NIPBL: variants seen among roughly 807,000 people sequenced by gnomAD.
The protein encoded by NIPBL is nipped-B-like protein.
NIPBL carries 19 observed loss-of-function variants against 321.8 expected under a neutral mutation model. The observed-to-expected ratio is 0.06, with a 90% CI of 0.04 to 0.09. NIPBL has a LOEUF of 0.09. Ranked by LOEUF, NIPBL falls within the 10% of genes least tolerant of loss-of-function variation. The probability of loss-of-function intolerance (pLI) is 1.00; values close to 1 mark genes in which losing one functional copy is unlikely to be tolerated. For missense variants in NIPBL, 2,210 were observed against 3,327.0 expected (o/e 0.66, Z 8.26); for synonymous variants, 1,106 against 1,114.1 (o/e 0.99, Z 0.14).
intron 1 of NIPBL, chr5:36,885,737 G>C (rs1745848568): frequency 8.4e-6 from 5 of 598,700 alleles, no homozygotes; most frequent in African/African-American, 1.8e-5. Flanking sequence ...CCAGTCTGTA[G>C]AGAACGACAT....
chr5:36,907,772 A>T (rs529279876), intron 1 of NIPBL, among the ~76,000 whole-genome samples: 1 of 152,194 alleles, frequency 6.6e-6, no homozygotes, highest in South Asian at 2.1e-4. Flanking sequence ...AATGCCACTG[A>T]GGAAAAGGTC....
chr5:37,051,583 G>C (rs549241255), intron 40 of NIPBL, 196 bp from the exon 41 acceptor site: 24 of 591,090 alleles, frequency 4.1e-5, no homozygotes, highest in Admixed American at 3.8e-4. Context: ...ATTTTTGCTG[G>C]TGCTCCAGTG....
intron 1 of NIPBL, among the ~76,000 whole-genome samples, chr5:36,931,952 A>G (rs914212995): frequency 1.3e-5 from 2 of 151,818 alleles, no homozygotes; most frequent in East Asian, 3.9e-4. Flanking sequence ...TTCCTATAAA[A>G]CTGCTTTAGC....
rs767626703 is a variant in NIPBL at position 36,955,557 on chromosome 5, G to A, written c.150G>A (p.Val50=). ...LLFNARIAEE[V]NCLLACRDDN... ...TTAATGCACGAATAGCAGAAGAGGT[G>A]AACTGCCTTTTGGCTTGTAGGGATG... Residue 50 remains valine (V), a synonymous_variant, in exon 3 of 47, where the codon GTG becomes GTA. Coordinates refer to ENST00000282516, the MANE Select transcript of NIPBL (RefSeq NM_133433.4). The A allele has an allele frequency of 6.2e-7, 1 of 1,613,980 alleles. No homozygotes were observed. Among genetic ancestry groups the A allele is most frequent in the South Asian group, 1.1e-5 (1 of 91,068 alleles).
intron 6 of NIPBL, among the ~76,000 whole-genome samples, chr5:36,967,098 A>G (rs948915860): frequency 1.3e-5 from 2 of 152,078 alleles, no homozygotes; most frequent in Admixed American, 1.3e-4. Context: ...TCTCATACAG[A>G]TCGATAAGAA....
intron 32 of NIPBL, among the ~76,000 whole-genome samples, chr5:37,033,843 C>T (rs1364723419): frequency 6.8e-6 from 1 of 147,606 alleles, no homozygotes; most frequent in Non-Finnish European, 1.5e-5. Flanking sequence ...GCTGGGACTA[C>T]AAGCATGCAC....
intron 43 of NIPBL, among the ~76,000 whole-genome samples, chr5:37,058,219 A>C (rs190471791): frequency 3.2e-4 from 48 of 152,332 alleles, no homozygotes; most frequent in African/African-American, 1.0e-3. Flanking sequence ...GTTAATGTGC[A>C]CATTTAAGTT....
At chr5:36,901,589 A>G (rs2149534821) in intron 1 of NIPBL, among the ~76,000 whole-genome samples, 1 of 141,184 alleles carries the variant, frequency 7.1e-6, no homozygotes, top group Non-Finnish European at 1.5e-5. Flanking sequence ...GGCTCACTGC[A>G]ACCTCTACCT....
chr5:37,019,252 G>T (rs300060), intron 24 of NIPBL, 59 bp from the exon 25 acceptor site: 1 of 1,056,410 alleles, frequency 9.5e-7, no homozygotes, highest in Non-Finnish European at 1.5e-6. Context: ...TTACAATTAG[G>T]TGATTTATTA....
chr5:36,894,060 T>C (rs1746544755), intron 1 of NIPBL, among the ~76,000 whole-genome samples: 1 of 152,220 alleles, frequency 6.6e-6, no homozygotes, highest in Non-Finnish European at 1.5e-5. Flanking sequence ...ACCATGCCTA[T>C]GTGTTCACAC....
chr5:37,058,843 C>CT (rs747181578), intron 43 of NIPBL, 48 bp from the exon 44 acceptor site: 1 of 1,554,884 alleles, frequency 6.4e-7, no homozygotes, highest in Non-Finnish European at 8.9e-7. Context: ...CTTATATTTA[C>CT]TAGTGGCATT....
chr5:37,048,529 T>C lies in NIPBL; in HGVS notation c.6617T>C (p.Leu2206Pro). 6.3e-7 allele frequency: 1 copy of C among 1,584,836 alleles called. No homozygotes were observed. The highest frequency in any genetic ancestry group is 1.7e-5 in the Admixed American group (1 of 58,228). ...TTTGCCTTTATTCAGCATCCAAGTC[T>C]AATGTTCGAGCAAGAAGTGAAGAAT... ...LGFAFIQHPSLMFEQEVKNLY... is the reference protein window; with the variant it reads ...LGFAFIQHPSPMFEQEVKNLY... The change falls in exon 39 of 47, where the codon CTA becomes CCA. Residue 2206 changes from leucine (L) to proline (P), a missense_variant. By Grantham distance (98) the Leu-to-Pro change is moderately conservative. Coordinates refer to ENST00000282516, the MANE Select transcript of NIPBL (RefSeq NM_133433.4).
intron 40 of NIPBL, chr5:37,051,346 C>A: frequency 5.4e-6 from 1 of 185,852 alleles, no homozygotes; most frequent in Non-Finnish European, 1.1e-5. Flanking sequence ...CATCTGAAAT[C>A]AACTTTGAAA....
intron 1 of NIPBL, among the ~76,000 whole-genome samples, chr5:36,883,819 GTT>G (rs754723451): frequency 1.4e-5 from 2 of 144,104 alleles, no homozygotes; most frequent in Admixed American, 6.9e-5. Context: ...ATGTAATTCA[GTT>G]TTTTTTTTTG....
rs1451900106 is a variant in NIPBL at position 36,976,327 on chromosome 5, T to C, written c.1420T>C (p.Leu474=). 6.2e-7 allele frequency: 1 copy of C among 1,613,122 alleles called. No individual in the cohort carries two copies. The highest frequency in any genetic ancestry group is 8.5e-7 in the Non-Finnish European group (1 of 1,179,780). The change falls in exon 9 of 47, where the codon TTG becomes CTG. Residue 474 remains leucine (L), a synonymous_variant. Transcript: ENST00000282516. ...PIYDEVELDA[L]AEIERIERES... ...ATATGATGAAGTGGAATTGGATGCA[T>C]TGGCTGAAATTGAGCGAATAGAGAG...
intron 34 of NIPBL, among the ~76,000 whole-genome samples, chr5:37,039,806 A>T (rs1383093437): frequency 6.6e-6 from 1 of 152,092 alleles, no homozygotes; most frequent in Non-Finnish European, 1.5e-5. Flanking sequence ...AACTGAGGAG[A>T]GTAGTAAAGG....
intron 9 of NIPBL, among the ~76,000 whole-genome samples, chr5:36,980,024 C>T (rs72736706): frequency 0.017 from 2,620 of 151,310 alleles, 30 homozygotes; most frequent in Middle Eastern, 0.041. Flanking sequence ...GAATGGTGAC[C>T]TTTTTTTTAT....
Position 37,008,074 on chromosome 5 carries a change from A to G in NIPBL, c.4306A>G (p.Lys1436Glu). The G allele has an allele frequency of 6.2e-7, 1 of 1,604,020 alleles. No individual in the cohort carries two copies. The highest frequency in any genetic ancestry group is 8.5e-7 in the Non-Finnish European group (1 of 1,171,078). The change falls in exon 19 of 47, where the codon AAG becomes GAG. Residue 1436 changes from lysine to glutamate, a missense_variant. Lys to Glu is a moderately conservative substitution (Grantham distance 56). Transcript: ENST00000282516. Reference protein sequence around the residue: ...NVSELQLCAIKLVTAVFSRYE... With the variant: ...NVSELQLCAIELVTAVFSRYE... ...CAGTGAACTACAGTTGTGTGCCATT[A>G]AGTTAGTCACTGCAGTAAGTATAAT...
intron 1 of NIPBL, among the ~76,000 whole-genome samples, chr5:36,894,176 A>C (rs999742065): frequency 6.6e-6 from 1 of 152,148 alleles, no homozygotes; most frequent in African/African-American, 2.4e-5. Flanking sequence ...AAAATCTGCT[A>C]ATTTGTGACA....
Sources: allele counts gnomAD v4.1 joint callset (sites outside exome capture counted in the v4.1 genomes callset), GRCh38; gene constraint gnomAD v4.1.1; transcripts MANE v1.5; gene names NCBI Gene and HGNC (gene_info 2026-07-23, HGNC 2026-07-21).